Variants in ANXA3 observed in about 807,000 individuals in gnomAD.
ANXA3 encodes the protein annexin A3.
ANXA3 carries 46 observed loss-of-function variants against 48.8 expected under a neutral mutation model. That is an observed-to-expected ratio of 0.94 (90% confidence interval 0.74 to 1.21). ANXA3 has a LOEUF of 1.21. Ranked by LOEUF, ANXA3 falls within the 50% of genes most tolerant of loss-of-function variation. ANXA3 has a pLI of 0.00. For missense variants in ANXA3, 383 were observed against 378.6 expected (o/e 1.01, Z -0.10); for synonymous variants, 128 against 134.7 (o/e 0.95, Z 0.35).
At chr4:78,606,677 GA>G (rs1273580620) in intron 12 of ANXA3, among the ~76,000 whole-genome samples, 2 of 152,056 alleles carry the variant, frequency 1.3e-5, no homozygotes, top group Non-Finnish European at 2.9e-5. Context: ...AATGGCCTTT[GA>G]ATGAATGAAT....
intron 4 of ANXA3, among the ~76,000 whole-genome samples, chr4:78,581,100 T>C (rs1304491691): frequency 6.6e-6 from 1 of 152,178 alleles, no homozygotes; most frequent in East Asian, 1.9e-4. Context: ...AAAAACACTG[T>C]GGCAATTAAA....
intron 6 of ANXA3, among the ~76,000 whole-genome samples, chr4:78,589,679 G>A (rs573732441): frequency 6.6e-6 from 1 of 152,216 alleles, no homozygotes; most frequent in Admixed American, 6.5e-5. Context: ...ATTTCCAGGA[G>A]TCTTTTGGTT....
chr4:78,569,887 G>C (rs758345237), intron 2 of ANXA3, among the ~76,000 whole-genome samples: 1 of 152,186 alleles, frequency 6.6e-6, no homozygotes, highest in Non-Finnish European at 1.5e-5. Context: ...ATCTCTGTGA[G>C]ACTGGGTTTC....
Position 78,568,685 on chromosome 4 carries a change from A to C in ANXA3, c.16-4495A>C, listed in dbSNP as rs543566664. Among the ~76,000 whole-genome samples the C allele has an allele frequency of 2.0e-5, 3 of 152,358 alleles. No individual in the cohort carries two copies. The South Asian group carries it at 6.2e-4, about 32-fold the overall frequency. ...CAAACACAGTACACTTTGCATAAAG[A>C]AATAGGTACAACTGGCTTTTGTGAG... On this transcript the variant is annotated intron_variant, in intron 2 of 12. Coordinates refer to ENST00000264908, the MANE Select transcript of ANXA3 (RefSeq NM_005139.3).
chr4:78,592,463 G>T (rs951679123), intron 7 of ANXA3, among the ~76,000 whole-genome samples: 1 of 152,168 alleles, frequency 6.6e-6, no homozygotes, highest in African/African-American at 2.4e-5. Flanking sequence ...ACTTATGAAG[G>T]TTGAACCCAC....
chr4:78,557,878 A>G (rs1411564531), intron 2 of ANXA3, among the ~76,000 whole-genome samples: 1 of 152,194 alleles, frequency 6.6e-6, no homozygotes, highest in Non-Finnish European at 1.5e-5. Flanking sequence ...GTATATATCC[A>G]AAGGAAATGA....
At chr4:78,553,040 G>C (rs758523753) in intron 1 of ANXA3, among the ~76,000 whole-genome samples, 1 of 152,340 alleles carries the variant, frequency 6.6e-6, no homozygotes, top group Non-Finnish European at 1.5e-5. Context: ...AAAGTTAAAT[G>C]ATAGATTAGT....
At chr4:78,592,618 C>A (rs1196051708) in intron 7 of ANXA3, among the ~76,000 whole-genome samples, 1 of 152,170 alleles carries the variant, frequency 6.6e-6, no homozygotes, top group East Asian at 1.9e-4. Context: ...GTTCTAGAAT[C>A]AAACAGGGCT....
At chr4:78,568,284 T>G (rs1326051710) in intron 2 of ANXA3, among the ~76,000 whole-genome samples, 1 of 152,240 alleles carries the variant, frequency 6.6e-6, no homozygotes, top group African/African-American at 2.4e-5. Context: ...CAGGAAGTCT[T>G]AACAATTTCC....
At chr4:78,605,244 C>G (rs1266636405) in intron 12 of ANXA3, among the ~76,000 whole-genome samples, 4 of 152,066 alleles carry the variant, frequency 2.6e-5, no homozygotes, top group Admixed American at 1.3e-4. Context: ...CTCGAGCAGT[C>G]CTCTTGCCTT....
chr4:78,588,748 G>A (rs188981527), intron 6 of ANXA3, among the ~76,000 whole-genome samples: 30 of 152,286 alleles, frequency 2.0e-4, no homozygotes, highest in African/African-American at 6.7e-4. Context: ...ATGACTAGCC[G>A]TCAGATAGCT....
chr4:78,595,706 T>C, intron 8 of ANXA3, 88 bp from the exon 9 acceptor site: 1 of 856,286 alleles, frequency 1.2e-6, no homozygotes, highest in South Asian at 1.6e-5. Flanking sequence ...ATGATGGCAC[T>C]GACCTCTGAA....
chr4:78,595,520 T>C (rs765039716), intron 8 of ANXA3, 83 bp downstream of exon 8: 9 of 1,398,952 alleles, frequency 6.4e-6, no homozygotes, highest in African/African-American at 1.5e-5. Context: ...GGGAGAAAAA[T>C]AGCAGCAACA....
chr4:78,560,020 A>G (rs1407702993), intron 2 of ANXA3, among the ~76,000 whole-genome samples: 1 of 152,162 alleles, frequency 6.6e-6, no homozygotes, highest in Non-Finnish European at 1.5e-5. Flanking sequence ...TTACACATCA[A>G]TAGCCCCCTC....
chr4:78,597,825 G>A (rs1723452237), intron 10 of ANXA3, among the ~76,000 whole-genome samples: 1 of 151,966 alleles, frequency 6.6e-6, no homozygotes, highest in African/African-American at 2.4e-5. Context: ...TGTTGCCCAG[G>A]CTGGTCGTGA....
In ANXA3 at chr4:78,588,369, C is replaced by T. The variant is rs62308267; in HGVS notation, c.403+2019C>T. On this transcript the variant is annotated intron_variant, in intron 6 of 12. Transcript: ENST00000264908. ...GATCATGCCACTGCACTCCAGCCTGCGTGACAGAGTGAGACCTTGTCTTGG... is the reference window on the plus strand; with the variant it reads ...GATCATGCCACTGCACTCCAGCCTGTGTGACAGAGTGAGACCTTGTCTTGG... 3.9e-3 allele frequency among the ~76,000 whole-genome samples: 600 copies of T among 152,030 alleles called. 3 individuals are homozygous for T. The highest frequency in any genetic ancestry group is 6.8e-3 in the Middle Eastern group (2 of 294).
At chr4:78,598,283 T>G (rs982719233) in intron 10 of ANXA3, among the ~76,000 whole-genome samples, 3 of 147,814 alleles carry the variant, frequency 2.0e-5, no homozygotes, top group Non-Finnish European at 2.9e-5. Flanking sequence ...GCTTTTCTTT[T>G]CTTTCTTTCT....
chr4:78,554,522 CAT>C, intron 2 of ANXA3, 34 bp downstream of exon 2: 1 of 1,604,744 alleles, frequency 6.2e-7, no homozygotes, highest in Non-Finnish European at 8.5e-7. Flanking sequence ...AACACAGTAA[CAT>C]ATATGAGTCA....
chr4:78,579,761 T>C (rs1417134934), intron 4 of ANXA3, among the ~76,000 whole-genome samples: 1 of 152,098 alleles, frequency 6.6e-6, no homozygotes, highest in African/African-American at 2.4e-5. Flanking sequence ...TAACCCCATT[T>C]CTACTAAAAA....
Sources: allele counts gnomAD v4.1 joint callset (sites outside exome capture counted in the v4.1 genomes callset), GRCh38; gene constraint gnomAD v4.1.1; transcripts MANE v1.5; gene names NCBI Gene and HGNC (gene_info 2026-07-23, HGNC 2026-07-21).